CRIM1: variants seen among roughly 807,000 people sequenced by gnomAD.
CRIM1 encodes cysteine rich transmembrane BMP regulator 1.
A neutral mutation model predicts 116.4 loss-of-function variants in CRIM1; 32 were observed. The ratio of observed to expected loss-of-function variants is 0.27; its 90% CI spans 0.21 to 0.37. The LOEUF (loss-of-function observed/expected upper bound fraction) is 0.37, where lower values mean the gene tolerates loss of function less well. Among genes scored for constraint, CRIM1 ranks in the 10% least tolerant of loss-of-function variants. CRIM1 has a pLI of 1.00. For synonymous variants in CRIM1, 590 were observed against 509.2 expected (o/e 1.16, Z -2.13); for missense variants, 1,331 against 1,354.8 (o/e 0.98, Z 0.28).
At chr2:36,502,178 A>G (rs144004210) in intron 8 of CRIM1, among the ~76,000 whole-genome samples, 14 of 152,258 alleles carry the variant, frequency 9.2e-5, no homozygotes, top group African/African-American at 1.4e-4. Context: ...ATGCTTATCT[A>G]AGACTTCGGT....
intron 1 of CRIM1, among the ~76,000 whole-genome samples, chr2:36,392,386 A>C (rs1331640385): frequency 2.0e-5 from 3 of 152,142 alleles, no homozygotes; most frequent in Non-Finnish European, 2.9e-5. Context: ...ACATCTTGTC[A>C]CATTTAGGGT....
chr2:36,365,245 A>G (rs1400004027), intron 1 of CRIM1, among the ~76,000 whole-genome samples: 2 of 152,226 alleles, frequency 1.3e-5, no homozygotes, highest in Non-Finnish European at 2.9e-5. Flanking sequence ...CCTACATCCA[A>G]AGAGCTATTT....
In CRIM1 at chr2:36,537,407, CGAG is replaced by C. The variant is rs1666628146; in HGVS notation, c.2488_2490del (p.Glu830del). 1 of 1,614,210 alleles carries C rather than the reference CGAG, an allele frequency of 6.2e-7. No individual in the cohort carries two copies. Among genetic ancestry groups the C allele is most frequent in the Non-Finnish European group, 8.5e-7 (1 of 1,180,050 alleles). ...ACTTCAGTGGGAAGGCCTATGCCGACGAGGAGCGGTGGGACCTTGACAGCTGCA... is the reference window on the plus strand; with the variant it reads ...ACTTCAGTGGGAAGGCCTATGCCGACGAGCGGTGGGACCTTGACAGCTGCA... On this transcript the variant is annotated inframe_deletion, in exon 14 of 17. Transcript: ENST00000280527.
intron 2 of CRIM1, among the ~76,000 whole-genome samples, chr2:36,416,276 GA>G: frequency 6.6e-6 from 1 of 152,026 alleles, no homozygotes; most frequent in East Asian, 1.9e-4. Flanking sequence ...TAACTTTCAT[GA>G]TATGCTAAAA....
At chr2:36,417,154 G>T (rs1376942704) in intron 2 of CRIM1, among the ~76,000 whole-genome samples, 3 of 152,062 alleles carry the variant, frequency 2.0e-5, no homozygotes, top group African/African-American at 7.2e-5. Flanking sequence ...TTGTCTTTTT[G>T]TCCAGACCAC....
chr2:36,491,818 A>G (rs1307259735), intron 7 of CRIM1, among the ~76,000 whole-genome samples: 3 of 152,198 alleles, frequency 2.0e-5, no homozygotes, highest in Non-Finnish European at 4.4e-5. Flanking sequence ...ACAAACCCGC[A>G]TACCTATTAA....
chr2:36,408,169 C>T (rs1250011354), intron 2 of CRIM1, among the ~76,000 whole-genome samples: 4 of 152,196 alleles, frequency 2.6e-5, no homozygotes, highest in Non-Finnish European at 4.4e-5. Flanking sequence ...AGGACAAAAA[C>T]AACCTGACAG....
chr2:36,403,243 G>T (rs946526504), intron 2 of CRIM1, among the ~76,000 whole-genome samples: 12 of 152,196 alleles, frequency 7.9e-5, no homozygotes, highest in African/African-American at 2.9e-4. Context: ...TTTTGCAAAA[G>T]GAGGAAGACA....
intron 13 of CRIM1, among the ~76,000 whole-genome samples, chr2:36,534,229 G>A (rs1321059767): frequency 7.4e-6 from 1 of 135,918 alleles, no homozygotes; most frequent in Non-Finnish European, 1.6e-5. Context: ...AGGAAGGAAG[G>A]AGGGTGGGGA....
intron 7 of CRIM1, among the ~76,000 whole-genome samples, chr2:36,491,670 T>C (rs183629035): frequency 6.6e-6 from 1 of 152,320 alleles, no homozygotes; most frequent in East Asian, 1.9e-4. Context: ...AAACAATGAA[T>C]GAAGTATTGT....
intron 14 of CRIM1, among the ~76,000 whole-genome samples, chr2:36,541,583 C>T (rs535648217): frequency 2.0e-5 from 3 of 152,130 alleles, no homozygotes; most frequent in Admixed American, 6.5e-5. Context: ...CACCTCGCCC[C>T]GTATTCCAGA....
intron 14 of CRIM1, among the ~76,000 whole-genome samples, chr2:36,538,909 T>G (rs1666747717): frequency 6.6e-6 from 1 of 152,258 alleles, no homozygotes; most frequent in Admixed American, 6.5e-5. Context: ...TAATATGCTT[T>G]TAATGATATA....
At chr2:36,467,337 C>G (rs1678125004) in intron 5 of CRIM1, among the ~76,000 whole-genome samples, 1 of 152,150 alleles carries the variant, frequency 6.6e-6, no homozygotes, top group Non-Finnish European at 1.5e-5. Flanking sequence ...AGAACATTGT[C>G]TCAAAGCCTG....
In CRIM1 at chr2:36,478,212, C is replaced by T. The variant is rs770110951; in HGVS notation, c.1174+1141C>T. ...AGTTCATAACAGTGAGTTCTTTTCC[C>T]TACTAGAGGTTATTTTACCCAACAT... is the stretch of plus-strand genomic sequence containing the variant. On this transcript the variant is annotated intron_variant, in intron 6 of 16. Coordinates refer to ENST00000280527, the MANE Select transcript of CRIM1 (RefSeq NM_016441.3). Among the ~76,000 whole-genome samples the T allele has an allele frequency of 8.9e-4, 136 of 152,142 alleles. 3 individuals are homozygous for T. The highest frequency in any genetic ancestry group is 4.6e-4 in the Admixed American group (7 of 15,278).
At chr2:36,489,220 C>T (rs1314058584) in intron 7 of CRIM1, among the ~76,000 whole-genome samples, 1 of 152,100 alleles carries the variant, frequency 6.6e-6, no homozygotes. Context: ...CCTTAGTTTG[C>T]CTATCAGTAG....
intron 13 of CRIM1, among the ~76,000 whole-genome samples, chr2:36,533,876 A>G (rs565670771): frequency 1.3e-4 from 19 of 151,500 alleles, no homozygotes; most frequent in African/African-American, 4.6e-4. Context: ...CGCTCAGTCT[A>G]AGTTCTTCCC....
chr2:36,451,205 T>C (rs1676693456), intron 4 of CRIM1, among the ~76,000 whole-genome samples: 1 of 152,170 alleles, frequency 6.6e-6, no homozygotes, highest in South Asian at 2.1e-4. Context: ...TGGCACATGC[T>C]TTAAAGAGTC....
rs1363822146 is a variant in CRIM1, at chr2:36,356,133, T to TCGCCCCGCGAGGGGAGGCG, written c.-152_-134dup. ...GCGGCCCGCAGAAGGGGCGGGGGCC[T>TCGCCCCGCGAGGGGAGGCG]CGCCCCGCGAGGGGAGGCGCGCCCC... On this transcript the variant is annotated 5_prime_UTR_variant, in exon 1 of 17. Transcript: ENST00000280527. The surrounding 1 kb of genome is among the most constrained non-coding windows in gnomAD (Gnocchi z 4.3). 1 of 165,126 alleles carries TCGCCCCGCGAGGGGAGGCG rather than the reference T, an allele frequency of 6.1e-6. No homozygotes were observed. Among genetic ancestry groups the TCGCCCCGCGAGGGGAGGCG allele is most frequent in the African/African-American group, 2.4e-5 (1 of 40,964 alleles). 10.2% of individuals were successfully genotyped at this position (165,126 alleles called of 1,614,324 possible).
At chr2:36,499,159 A>C (rs941946480) in intron 7 of CRIM1, 60 bp from the exon 8 acceptor site, 2 of 1,338,380 alleles carry the variant, frequency 1.5e-6, no homozygotes, top group African/African-American at 2.9e-5. Flanking sequence ...CAAAAATTGA[A>C]TAGCATCTAA....
Sources: allele counts gnomAD v4.1 joint callset (sites outside exome capture counted in the v4.1 genomes callset), GRCh38; gene constraint gnomAD v4.1.1; non-coding constraint Gnocchi (gnomAD v3.1); transcripts MANE v1.5; gene names NCBI Gene and HGNC (gene_info 2026-07-23, HGNC 2026-07-21).